IL1RAP: variants seen among roughly 807,000 people sequenced by gnomAD.
IL1RAP encodes interleukin-1 receptor accessory protein.
In IL1RAP, 35 loss-of-function variants were observed where a neutral mutation model predicts 60.7. The ratio of observed to expected loss-of-function variants is 0.58; its 90% CI spans 0.44 to 0.76. The LOEUF (loss-of-function observed/expected upper bound fraction) is 0.76, where lower values mean the gene tolerates loss of function less well. Among genes scored for constraint, IL1RAP ranks in the 30% least tolerant of loss-of-function variants. The pLI, the probability that IL1RAP is intolerant of heterozygous loss-of-function variation, is 0.00. For synonymous variants in IL1RAP, 268 were observed against 250.9 expected (o/e 1.07, Z -0.64); for missense variants, 572 against 693.9 (o/e 0.82, Z 1.97).
intron 1 of IL1RAP, among the ~76,000 whole-genome samples, chr3:190,555,174 G>A (rs560982232): frequency 6.6e-6 from 1 of 152,262 alleles, no homozygotes; most frequent in African/African-American, 2.4e-5. Context: ...CTAACCTGGA[G>A]GTGACTGGAT....
intron 1 of IL1RAP, among the ~76,000 whole-genome samples, chr3:190,552,005 C>T (rs181584561): frequency 1.3e-5 from 2 of 152,212 alleles, no homozygotes; most frequent in African/African-American, 4.8e-5. Context: ...GGCAATCCAA[C>T]GTACCTAAAC....
chr3:190,543,364 C>T lies in IL1RAP; in HGVS notation c.-88-12766C>T, dbSNP rs151180754. ...TAATCATTCACTCAATAATCCAGAG[C>T]GTTTTCTATATGCCAGGCTTCAATG... On this transcript the variant is annotated intron_variant, in intron 1 of 11. Coordinates refer to ENST00000447382, the MANE Select transcript of IL1RAP (RefSeq NM_002182.4). Among the ~76,000 whole-genome samples the T allele has an allele frequency of 2.0e-4, 31 of 152,186 alleles. No homozygotes were observed. In the East Asian group the frequency reaches 5.6e-3, roughly 28 times the overall value.
chr3:190,608,780 C>T (rs985175762), intron 4 of IL1RAP, among the ~76,000 whole-genome samples: 1 of 151,880 alleles, frequency 6.6e-6, no homozygotes, highest in Non-Finnish European at 1.5e-5. Context: ...TACTTTAGTA[C>T]ATTAATAGTA....
At chr3:190,645,966 T>C (rs767295722) in intron 11 of IL1RAP, 124 bp downstream of exon 11, 170 of 735,690 alleles carry the variant, frequency 2.3e-4, no homozygotes, top group Non-Finnish European at 2.8e-4. Context: ...TGCTCTTTGA[T>C]GTAACAGACT....
rs77425992 is a variant in IL1RAP, at chr3:190,527,943, T to C, written c.-89+13724T>C. Among the ~76,000 whole-genome samples the C allele has an allele frequency of 4.8e-3, 724 of 152,174 alleles. 4 individuals are homozygous for C. Among genetic ancestry groups the C allele is most frequent in the African/African-American group, 0.017 (695 of 41,498 alleles). On this transcript the variant is annotated intron_variant, in intron 1 of 11. Transcript: ENST00000447382. ...ATGAATACATAAGAAAATAAATGCA[T>C]TTCCTTTTTCATCTTTCTCTCTCTG...
At chr3:190,615,370 T>A (rs769329747) in intron 5 of IL1RAP, 2 of 1,119,752 alleles carry the variant, frequency 1.8e-6, no homozygotes, top group South Asian at 2.6e-5. Context: ...GCAGTCCTTT[T>A]GTTGTTGCTT....
chr3:190,573,576 C>G (rs142356339), intron 3 of IL1RAP, among the ~76,000 whole-genome samples: 1 of 152,216 alleles, frequency 6.6e-6, no homozygotes. Flanking sequence ...AAAGTGAAGA[C>G]GGGGTTGGTT....
chr3:190,650,139 C>A lies in IL1RAP; in HGVS notation c.*1434C>A. 8.1e-6 allele frequency: 8 copies of A among 982,824 alleles called. No individual in the cohort carries two copies. Among genetic ancestry groups the A allele is most frequent in the Non-Finnish European group, 9.7e-6 (8 of 827,808 alleles). 60.9% of individuals were successfully genotyped at this position (982,824 alleles called of 1,614,324 possible). A position where few individuals can be genotyped will look rare whatever the true frequency, so the allele number is the denominator to read the frequency against. On this transcript the variant is annotated 3_prime_UTR_variant, in exon 12 of 12. Transcript: ENST00000447382. ...ATAGCTATGGGTACAATATTAAAAA[C>A]CACTGGAACTCTTGTCCAGTTTTTA...
Position 190,571,251 on chromosome 3 carries a change from C to T in IL1RAP, c.64+6898C>T, listed in dbSNP as rs1362766527. On this transcript the variant is annotated intron_variant, in intron 3 of 11. Coordinates refer to ENST00000447382, the MANE Select transcript of IL1RAP (RefSeq NM_002182.4). ...TATGGGCCAGGCACACTGGCTCATG[C>T]CTATAATGCCAGTACTTTGGGAGGC... Among the ~76,000 whole-genome samples, 7 of 152,012 alleles carry T rather than the reference C, an allele frequency of 4.6e-5. No homozygotes were observed. In the East Asian group the frequency reaches 1.3e-3, roughly 29 times the overall value.
At chr3:190,566,132 C>T (rs1303149939) in intron 3 of IL1RAP, among the ~76,000 whole-genome samples, 1 of 152,074 alleles carries the variant, frequency 6.6e-6, no homozygotes. Flanking sequence ...TGCCTGAGGG[C>T]AGGAACTTGT....
At chr3:190,590,056 T>C (rs1349555287) in intron 3 of IL1RAP, among the ~76,000 whole-genome samples, 1 of 152,224 alleles carries the variant, frequency 6.6e-6, no homozygotes, top group Non-Finnish European at 1.5e-5. Context: ...TCATCTGTAA[T>C]AATCCACATC....
At chr3:190,521,000 T>C (rs1369569811) in intron 1 of IL1RAP, among the ~76,000 whole-genome samples, 1 of 152,218 alleles carries the variant, frequency 6.6e-6, no homozygotes. Flanking sequence ...GCCGAATTAT[T>C]TGGTCTATCT....
chr3:190,568,158 A>G (rs1726587498), intron 3 of IL1RAP, among the ~76,000 whole-genome samples: 1 of 152,202 alleles, frequency 6.6e-6, no homozygotes, highest in Non-Finnish European at 1.5e-5. Context: ...ATCTTTGAGA[A>G]AGATTTTATT....
chr3:190,572,275 A>T (rs989039527), intron 3 of IL1RAP, among the ~76,000 whole-genome samples: 1 of 152,088 alleles, frequency 6.6e-6, no homozygotes, highest in Admixed American at 6.5e-5. Context: ...TGAATTTTTA[A>T]ATTTATCTGG....
intron 1 of IL1RAP, among the ~76,000 whole-genome samples, chr3:190,531,214 G>A (rs766134790): frequency 5.3e-5 from 8 of 151,964 alleles, no homozygotes; most frequent in Non-Finnish European, 1.0e-4. Context: ...CTGTGCCACC[G>A]TACTCTAGCC....
intron 3 of IL1RAP, among the ~76,000 whole-genome samples, chr3:190,580,598 A>G (rs1326480002): frequency 6.6e-6 from 1 of 152,172 alleles, no homozygotes; most frequent in Non-Finnish European, 1.5e-5. Flanking sequence ...AAAATAGTCA[A>G]ACTCATAGAA....
Position 190,576,372 on chromosome 3 carries a change from T to TA in IL1RAP, c.64+12019_64+12020insA, listed in dbSNP as rs1727445721. On this transcript the variant is annotated intron_variant, in intron 3 of 11. Coordinates refer to ENST00000447382, the MANE Select transcript of IL1RAP (RefSeq NM_002182.4). ...AATGTCATCAGAATGCAAGGAGCTATTATATATATATACACACACACACAC... is the reference window on the plus strand; with the variant it reads ...AATGTCATCAGAATGCAAGGAGCTATATATATATATATACACACACACACAC... 5.6e-5 allele frequency among the ~76,000 whole-genome samples: 6 copies of TA among 106,402 alleles called. No homozygotes were observed. In the South Asian group the frequency reaches 1.8e-3, roughly 33 times the overall value. The allele number at this position is 106,402 out of a possible 152,430, so 69.8% of individuals were successfully genotyped here. A position where few individuals can be genotyped will look rare whatever the true frequency, so the allele number is the denominator to read the frequency against.
At chr3:190,554,040 G>A (rs144653658) in intron 1 of IL1RAP, among the ~76,000 whole-genome samples, 2 of 126,876 alleles carry the variant, frequency 1.6e-5, no homozygotes, top group Non-Finnish European at 3.2e-5. Context: ...CAGCCTGGGC[G>A]ACAGAGCGAG....
At chr3:190,567,170 T>G (rs1726487239) in intron 3 of IL1RAP, among the ~76,000 whole-genome samples, 1 of 152,194 alleles carries the variant, frequency 6.6e-6, no homozygotes, top group Admixed American at 6.5e-5. Flanking sequence ...CGATTCTGAC[T>G]TCCGATCATG....
Sources: allele counts gnomAD v4.1 joint callset (sites outside exome capture counted in the v4.1 genomes callset), GRCh38; gene constraint gnomAD v4.1.1; transcripts MANE v1.5; gene names NCBI Gene and HGNC (gene_info 2026-07-23, HGNC 2026-07-21).